Variants in CDC42BPA observed in about 807,000 individuals in gnomAD.
CDC42BPA encodes serine/threonine-protein kinase MRCK alpha.
Under a neutral mutation model 223.5 loss-of-function variants are expected in CDC42BPA, and 80 were observed. The ratio of observed to expected loss-of-function variants is 0.36; its 90% CI spans 0.30 to 0.43. The LOEUF (loss-of-function observed/expected upper bound fraction) is 0.43. CDC42BPA is among the 20% of genes least tolerant of loss of function. The pLI is 1.00. For missense variants in CDC42BPA, 1,743 were observed against 2,099.9 expected, an observed-to-expected ratio of 0.83 and a Z score of 3.32; for synonymous variants, 694 against 718.6, an observed-to-expected ratio of 0.97 and a Z score of 0.55.
At chr1:227,210,756 T>G (rs566328773) in intron 3 of CDC42BPA, among the ~76,000 whole-genome samples, 40 of 152,290 alleles carry the variant, frequency 2.6e-4, no homozygotes, top group Admixed American at 2.2e-3. Context: ...ACATAATTAT[T>G]TACTCTTTTG....
Position 227,072,309 on chromosome 1 carries a change from G to A in CDC42BPA, c.2736-10C>T. 6.8e-7 allele frequency: 1 copy of A among 1,466,438 alleles called. No homozygotes were observed. The highest frequency in any genetic ancestry group is 9.5e-7 in the Non-Finnish European group (1 of 1,051,912). The allele number at this position is 1,466,438 out of a possible 1,614,324, so 90.8% of individuals were successfully genotyped here. A position where few individuals can be genotyped will look rare whatever the true frequency, so the allele number is the denominator to read the frequency against. On this transcript the variant is annotated splice_polypyrimidine_tract_variant and intron_variant, in intron 19 of 36. Coordinates refer to ENST00000366766, the MANE Select transcript of CDC42BPA (RefSeq NM_001394014.1). ...TGAATCTTTTAGTTTACTTAAATAA[G>A]GAGAAAAAAGGAAAAATGTCATTAA...
chr1:227,157,845 T>C (rs947674011), intron 6 of CDC42BPA, among the ~76,000 whole-genome samples: 3 of 152,172 alleles, frequency 2.0e-5, no homozygotes, highest in Admixed American at 6.5e-5. Context: ...TTTCAGTTAC[T>C]GTACTTTCTA....
At chr1:227,057,753 T>C (rs540183226) in intron 21 of CDC42BPA, among the ~76,000 whole-genome samples, 1 of 152,310 alleles carries the variant, frequency 6.6e-6, no homozygotes, top group East Asian at 1.9e-4. Context: ...TATAGTTTAT[T>C]CATATCTCAT....
At chr1:227,110,193 G>A (rs1446998680) in intron 14 of CDC42BPA, among the ~76,000 whole-genome samples, 1 of 152,044 alleles carries the variant, frequency 6.6e-6, no homozygotes, top group Non-Finnish European at 1.5e-5. Context: ...GTGAGATATT[G>A]AAGTCCTTAA....
chr1:227,240,976 C>A (rs1160203440), intron 2 of CDC42BPA, among the ~76,000 whole-genome samples: 1 of 151,944 alleles, frequency 6.6e-6, no homozygotes, highest in African/African-American at 2.4e-5. Context: ...ATTGCTAAAA[C>A]ATCTGACAAA....
intron 10 of CDC42BPA, among the ~76,000 whole-genome samples, chr1:227,129,974 C>T (rs1444826633): frequency 6.6e-6 from 1 of 151,850 alleles, no homozygotes; most frequent in Admixed American, 6.6e-5. Context: ...CTACAGGTAA[C>T]CATGGCTCAA....
At chr1:227,038,540 T>C (rs1670762548) in intron 24 of CDC42BPA, among the ~76,000 whole-genome samples, 1 of 152,210 alleles carries the variant, frequency 6.6e-6, no homozygotes, top group Admixed American at 6.5e-5. Context: ...TGAAGAGGAC[T>C]GATGAATAAC....
chr1:227,200,446 A>AAAC (rs1553392066), intron 3 of CDC42BPA, among the ~76,000 whole-genome samples: 5 of 27,176 alleles, frequency 1.8e-4, no homozygotes, highest in African/African-American at 1.2e-3. Context: ...ACAAACAAAC[A>AAAC]AAAAAAAAAC....
At chr1:227,167,420 C>A (rs1377460013) in intron 5 of CDC42BPA, among the ~76,000 whole-genome samples, 1 of 152,172 alleles carries the variant, frequency 6.6e-6, no homozygotes, top group Non-Finnish European at 1.5e-5. Context: ...TAGTTTGAAT[C>A]CTGTAATGAC....
intron 23 of CDC42BPA, among the ~76,000 whole-genome samples, chr1:227,043,873 A>G (rs759814172): frequency 6.6e-6 from 1 of 151,962 alleles, no homozygotes; most frequent in Non-Finnish European, 1.5e-5. Context: ...AAGGAAAGAG[A>G]TTTTTCTGAT....
At chr1:227,000,769 G>GA (rs1372812202) in intron 35 of CDC42BPA, among the ~76,000 whole-genome samples, 1 of 150,620 alleles carries the variant, frequency 6.6e-6, no homozygotes, top group East Asian at 2.0e-4. Flanking sequence ...TAAACTTCAG[G>GA]AATTTTTCTT....
intron 3 of CDC42BPA, among the ~76,000 whole-genome samples, chr1:227,203,831 G>A (rs1047111430): frequency 2.6e-5 from 4 of 152,154 alleles, no homozygotes; most frequent in African/African-American, 9.7e-5. Context: ...GAACAGGAAT[G>A]CCTATCTTGA....
At chr1:227,178,646 C>T (rs1421987146) in intron 5 of CDC42BPA, among the ~76,000 whole-genome samples, 2 of 152,152 alleles carry the variant, frequency 1.3e-5, no homozygotes, top group Admixed American at 1.3e-4. Context: ...CAGGCATGTG[C>T]CACCACGCCC....
intron 1 of CDC42BPA, among the ~76,000 whole-genome samples, chr1:227,269,345 C>T (rs574873259): frequency 6.6e-6 from 1 of 152,196 alleles, no homozygotes; most frequent in East Asian, 1.9e-4. Flanking sequence ...AAACTTTAAT[C>T]CATAGCTCAC....
intron 10 of CDC42BPA, among the ~76,000 whole-genome samples, chr1:227,133,102 CG>C (rs1657625993): frequency 6.6e-6 from 1 of 150,446 alleles, no homozygotes; most frequent in African/African-American, 2.4e-5. Context: ...GTCAGCCCCC[CG>C]CCCGGCCAGC....
chr1:227,235,164 G>A (rs1678769577), intron 2 of CDC42BPA: 1 of 152,134 alleles, frequency 6.6e-6, no homozygotes, highest in Admixed American at 6.5e-5. Flanking sequence ...AAGAAATGAG[G>A]AGAACCTACA....
At chr1:227,070,842 CTT>C (rs2149051054) in intron 20 of CDC42BPA, among the ~76,000 whole-genome samples, 1 of 151,862 alleles carries the variant, frequency 6.6e-6, no homozygotes, top group South Asian at 2.1e-4. Flanking sequence ...CAGTGATAAA[CTT>C]AAGTCTCTTT....
Position 227,088,827 on chromosome 1 carries a change from G to A in CDC42BPA, c.2355+3059C>T, listed in dbSNP as rs577841844. Among the ~76,000 whole-genome samples the A allele has an allele frequency of 3.4e-3, 520 of 152,298 alleles. 2 individuals carry two copies. Among genetic ancestry groups the A allele is most frequent in the Non-Finnish European group, 5.9e-3 (403 of 68,034 alleles). On this transcript the variant is annotated intron_variant, in intron 16 of 36. Coordinates refer to ENST00000366766, the MANE Select transcript of CDC42BPA (RefSeq NM_001394014.1). ...TGCTACCTCCACCTCCTGGGTTCAA[G>A]TGATTCTCCTGCCTCAGCCTCCCTA...
intron 24 of CDC42BPA, 29 bp from the exon 25 acceptor site, chr1:227,035,636 T>C: frequency 1.3e-6 from 2 of 1,544,870 alleles, no homozygotes. Context: ...AAACGTTTGA[T>C]AAAAATTCAT....
Sources: gnomAD v4.1 joint callset for allele counts (sites outside exome capture counted in the v4.1 genomes callset) on GRCh38, gnomAD v4.1.1 for gene constraint, MANE v1.5 for transcripts, NCBI Gene and HGNC (gene_info 2026-07-23, HGNC 2026-07-21) for gene names.